The following PHKA1 variants were observed in gnomAD, a reference collection of about 807,000 sequenced individuals.
The protein encoded by PHKA1 is phosphorylase kinase regulatory subunit alpha 1, also known as phosphorylase b kinase regulatory subunit alpha, skeletal muscle isoform.
PHKA1 carries 60 observed loss-of-function variants against 110.2 expected under a neutral mutation model. The observed-to-expected ratio is 0.54, with a 90% confidence interval of 0.44 to 0.68. The LOEUF (loss-of-function observed/expected upper bound fraction) is 0.68. PHKA1 is among the 30% of genes least tolerant of loss of function. PHKA1 has a pLI of 0.00. For missense variants in PHKA1, 801 were observed against 942.5 expected (o/e 0.85, Z 1.97); for synonymous variants, 316 against 333.6 (o/e 0.95, Z 0.58).
rs782720886 is a variant in PHKA1, at chrX:72,602,462, T to A, written c.2918-189A>T. Among the ~76,000 whole-genome samples the A allele has an allele frequency of 1.3e-4, 14 of 111,927 alleles. No homozygotes were observed. The South Asian group carries it at 5.3e-3, about 42-fold the overall frequency. On this transcript the variant is annotated intron_variant, in intron 26 of 31. Transcript: ENST00000373542. ...ACCACCTACAAGTTTGTTAGTAGAA[T>A]CTCAGGTCCCACCCCAGATCTACTG...
intron 21 of PHKA1, among the ~76,000 whole-genome samples, chrX:72,614,246 T>C (rs2052857315): frequency 9.1e-6 from 1 of 110,357 alleles, no homozygotes; most frequent in African/African-American, 3.3e-5. Context: ...AAAAAAATAA[T>C]ATGCGTGTGT....
At chrX:72,662,321 C>T (rs781798584) in intron 8 of PHKA1, among the ~76,000 whole-genome samples, 1 of 111,939 alleles carries the variant, frequency 8.9e-6, no homozygotes, top group African/African-American at 3.2e-5. Context: ...CCTCTCCAAC[C>T]TTGACTCTTT....
At chrX:72,593,752 T>C (rs1303264011) in intron 28 of PHKA1, among the ~76,000 whole-genome samples, 1 of 112,878 alleles carries the variant, frequency 8.9e-6, no homozygotes, top group Non-Finnish European at 1.9e-5. Context: ...TAGACTTATA[T>C]GTAGCTAGCA....
At chrX:72,672,450 G>C (rs959373716) in intron 6 of PHKA1, among the ~76,000 whole-genome samples, 3 of 111,607 alleles carry the variant, frequency 2.7e-5, no homozygotes, top group Non-Finnish European at 5.6e-5. Context: ...GAGTCCCAAG[G>C]TGGAATGGGG....
chrX:72,590,466 A>G (rs1266177557), intron 29 of PHKA1, among the ~76,000 whole-genome samples: 3 of 112,386 alleles, frequency 2.7e-5, no homozygotes, highest in Non-Finnish European at 5.6e-5. Context: ...TAAAACCATA[A>G]AAGCCCTAGA....
intron 29 of PHKA1, among the ~76,000 whole-genome samples, chrX:72,586,540 C>A (rs781888141): frequency 5.7e-4 from 64 of 111,501 alleles, no homozygotes; most frequent in African/African-American, 2.0e-3. Context: ...AGGATCACAG[C>A]TCCTCACCAA....
chrX:72,669,294 G>C (rs1282379536), intron 6 of PHKA1, among the ~76,000 whole-genome samples: 1 of 112,007 alleles, frequency 8.9e-6, no homozygotes, highest in East Asian at 2.8e-4. Flanking sequence ...GGGGCTCTCT[G>C]TTGTGGTTCC....
intron 21 of PHKA1, among the ~76,000 whole-genome samples, chrX:72,613,173 T>G (rs2052838407): frequency 2.7e-5 from 3 of 111,911 alleles, no homozygotes; most frequent in African/African-American, 9.7e-5. Flanking sequence ...TTTGTTATTT[T>G]AAGCTACTGA....
At chrX:72,677,820 G>A (rs907556076) in intron 5 of PHKA1, among the ~76,000 whole-genome samples, 1 of 110,868 alleles carries the variant, frequency 9.0e-6, no homozygotes, top group Non-Finnish European at 1.9e-5. Flanking sequence ...AGGAGGCTGA[G>A]GTGGGAGGAT....
intron 28 of PHKA1, among the ~76,000 whole-genome samples, chrX:72,597,374 A>T (rs1464725533): frequency 8.9e-6 from 1 of 111,984 alleles, no homozygotes; most frequent in African/African-American, 3.2e-5. Flanking sequence ...CCAGCCCTCA[A>T]CAAGAACAAT....
intron 12 of PHKA1, among the ~76,000 whole-genome samples, chrX:72,651,330 C>T (rs1162468259): frequency 9.0e-6 from 1 of 110,752 alleles, no homozygotes; most frequent in Non-Finnish European, 1.9e-5. Flanking sequence ...TGAGGTTGGG[C>T]TTTCGAGACC....
At chrX:72,615,072 G>A (rs1460145284) in intron 21 of PHKA1, among the ~76,000 whole-genome samples, 1 of 105,034 alleles carries the variant, frequency 9.5e-6, no homozygotes, top group African/African-American at 3.4e-5. Context: ...TAAGCCTAAC[G>A]GCAGACTTCT....
At chrX:72,657,710 A>G (rs188132430) in intron 8 of PHKA1, 69 bp from the exon 9 acceptor site, 22 of 871,910 alleles carry the variant, frequency 2.5e-5, no homozygotes, top group Admixed American at 1.1e-4. Flanking sequence ...TCAGAAATAC[A>G]TCCTTGCAAC....
chrX:72,655,453 T>C (rs2053481736), intron 10 of PHKA1, among the ~76,000 whole-genome samples: 1 of 111,863 alleles, frequency 8.9e-6, no homozygotes, highest in Admixed American at 9.4e-5. Context: ...CGTATCATTA[T>C]AGCAGAACTG....
chrX:72,594,729 T>C (rs1603252167), intron 28 of PHKA1, among the ~76,000 whole-genome samples: 1 of 112,628 alleles, frequency 8.9e-6, no homozygotes, highest in African/African-American at 3.2e-5. Context: ...GGCGGAAGGA[T>C]TGCATGAGCC....
chrX:72,592,862 G>A (rs2052540030), intron 29 of PHKA1, among the ~76,000 whole-genome samples: 1 of 112,487 alleles, frequency 8.9e-6, no homozygotes, highest in Admixed American at 9.4e-5. Context: ...GAGAGGTGAT[G>A]ATTTTAAAAG....
chrX:72,677,530 T>C (rs782046395), intron 5 of PHKA1, among the ~76,000 whole-genome samples: 2 of 112,242 alleles, frequency 1.8e-5, no homozygotes, highest in Admixed American at 9.4e-5. Context: ...TCATTACTCC[T>C]ACAGCCACTA....
rs1047752576 is a variant in PHKA1 at position 72,643,061 on chromosome X, A to C, written c.1459+1301T>G. ...AAATATATGTTCCTAGAGACAGACA[A>C]AAGTCAGCTCTGACTCTTGGTCCTT... On this transcript the variant is annotated intron_variant, in intron 14 of 31. Coordinates refer to ENST00000373542, the MANE Select transcript of PHKA1 (RefSeq NM_002637.4). Among the ~76,000 whole-genome samples the C allele has an allele frequency of 8.1e-5, 9 of 110,893 alleles. 1 individual carries two copies. The highest frequency in any genetic ancestry group is 7.7e-4 in the South Asian group (2 of 2,606).
At chrX:72,635,344 A>G (rs782530724) in intron 15 of PHKA1, 45 bp from the exon 16 acceptor site, 2 of 1,107,009 alleles carry the variant, frequency 1.8e-6, no homozygotes, top group Admixed American at 4.5e-5. Context: ...TACTCTCACA[A>G]TTATCAAGTA....
Sources: gnomAD v4.1 joint callset for allele counts (sites outside exome capture counted in the v4.1 genomes callset) on GRCh38, gnomAD v4.1.1 for gene constraint, MANE v1.5 for transcripts, NCBI Gene and HGNC (gene_info 2026-07-23, HGNC 2026-07-21) for gene names.